LETM2: variants seen among roughly 807,000 people sequenced by gnomAD.
LETM2 encodes the protein leucine zipper and EF-hand containing transmembrane protein 2.
LETM2 carries 58 observed loss-of-function variants against 59.6 expected under a neutral mutation model. The ratio of observed to expected loss-of-function variants is 0.97; its 90% confidence interval spans 0.79 to 1.21. The LOEUF (loss-of-function observed/expected upper bound fraction) is 1.21, where lower values mean the gene tolerates loss of function less well. Among genes scored for constraint, LETM2 ranks in the 50% most tolerant of loss-of-function variants. The probability of loss-of-function intolerance (pLI) is 0.00; values close to 1 mark genes in which losing one functional copy is unlikely to be tolerated. For synonymous variants in LETM2, 199 were observed against 214.1 expected (o/e 0.93, Z 0.62); for missense variants, 572 against 575.7 (o/e 0.99, Z 0.07).
chr8:38,406,046 C>T (rs1308844484), intron 8 of LETM2, among the ~76,000 whole-genome samples: 2 of 152,062 alleles, frequency 1.3e-5, no homozygotes, highest in Non-Finnish European at 2.9e-5. Flanking sequence ...ATGTATGTAG[C>T]CTTATCCCTC....
Position 38,404,495 on chromosome 8 carries a change from C to G in LETM2, c.1207C>G (p.Leu403Val), listed in dbSNP as rs1813546659. The G allele has an allele frequency of 1.2e-6, 2 of 1,612,132 alleles. No individual in the cohort carries two copies. The highest frequency in any genetic ancestry group is 1.3e-5 in the African/African-American group (1 of 74,900). Reference protein sequence around the residue: ...DVKPKPIEIPLSGEAPKTDIL... With the variant: ...DVKPKPIEIPVSGEAPKTDIL... ...GAAGCCCAAGCCGATTGAGATACCA[C>G]TCAGTGGGGAGGTGAGTACCTGGGT... The change falls in exon 8 of 11, where the codon CTC (leucine) becomes GTC (valine). Residue 403 changes from leucine to valine, a missense_variant. Leu to Val is a conservative substitution (Grantham distance 32, BLOSUM62 1). Coordinates refer to ENST00000379957, the MANE Select transcript of LETM2 (RefSeq NM_001286819.2).
chr8:38,397,270 G>A (rs1022835129), intron 4 of LETM2: 44 of 394,026 alleles, frequency 1.1e-4, no homozygotes, highest in East Asian at 1.5e-4. Context: ...TCCGCCTCCC[G>A]GATGCAAGCA....
chr8:38,392,577 C>T lies in LETM2; in HGVS notation c.83C>T (p.Ser28Phe). Residue 28 changes from serine to phenylalanine, a missense_variant, in exon 3 of 11, where the codon TCT (serine) becomes TTT (phenylalanine). Coordinates refer to ENST00000379957, the MANE Select transcript of LETM2 (RefSeq NM_001286819.2). ...CATTTTGTCCATCCTACCTGCTCTT[C>T]TTATTCCCCATCATGTGCATTTCTT... ...PSHFVHPTCS[S>F]YSPSCAFLHL... 1 of 1,612,468 alleles carries T rather than the reference C, an allele frequency of 6.2e-7. No individual in the cohort carries two copies. The highest frequency in any genetic ancestry group is 8.5e-7 in the Non-Finnish European group (1 of 1,179,858).
At position 38,404,563 on chromosome 8, in the gene LETM2, A is replaced by G. The variant is rs1380642093; in HGVS notation, c.1218+57A>G. The stretch of plus-strand genomic sequence containing the variant: ...GTCCATCCAACTGAGGCCTCTCCAC[A>G]AACACTTGGTGTACTCTTGCAGTTA... On this transcript the variant is annotated intron_variant, in intron 8 of 10. Coordinates refer to ENST00000379957, the MANE Select transcript of LETM2 (RefSeq NM_001286819.2). 3.8e-6 allele frequency: 4 copies of G among 1,053,902 alleles called. No individual in the cohort carries two copies. The South Asian group carries it at 5.0e-5, about 13-fold the overall frequency. 65.3% of individuals were successfully genotyped at this position (1,053,902 alleles called of 1,614,324 possible). A position where few individuals can be genotyped will look rare whatever the true frequency, so the allele number is the denominator to read the frequency against.
intron 8 of LETM2, among the ~76,000 whole-genome samples, chr8:38,406,120 T>C (rs1193623645): frequency 6.6e-6 from 1 of 152,200 alleles, no homozygotes; most frequent in Admixed American, 6.5e-5. Context: ...TTCCTAAAGA[T>C]AGGTTAGCTA....
chr8:38,391,883 G>A (rs1045541835), intron 2 of LETM2, among the ~76,000 whole-genome samples: 1 of 151,714 alleles, frequency 6.6e-6, no homozygotes, highest in African/African-American at 2.4e-5. Flanking sequence ...GTAGAGACAG[G>A]GTTTCACCAT....
rs1162500237 is a variant in LETM2, at chr8:38,394,260, A to G, written c.645+19A>G. ...CAAAAAGGTATGATTTTTTAACTTTAATAAAATTTAATAAACCTTATTAGA... is the reference window on the plus strand; with the variant it reads ...CAAAAAGGTATGATTTTTTAACTTTGATAAAATTTAATAAACCTTATTAGA... On this transcript the variant is annotated intron_variant, in intron 4 of 10. Transcript: ENST00000379957. 7.3e-7 allele frequency: 1 copy of G among 1,375,428 alleles called. No homozygotes were observed. The highest frequency in any genetic ancestry group is 9.6e-7 in the Non-Finnish European group (1 of 1,040,806). 85.2% of individuals were successfully genotyped at this position (1,375,428 alleles called of 1,614,324 possible).
chr8:38,386,398 T>G (rs1443641211), upstream of LETM2: 1 of 152,092 alleles, frequency 6.6e-6, no homozygotes, highest in Non-Finnish European at 1.5e-5. Flanking sequence ...ACGCCCGCCC[T>G]CCCCAGAACT....
chr8:38,409,503 A>G lies in LETM2; in HGVS notation c.*1229A>G, dbSNP rs913276214. 4 of 152,238 alleles carry G rather than the reference A, an allele frequency of 2.6e-5. No individual in the cohort carries two copies. Among genetic ancestry groups the G allele is most frequent in the African/African-American group, 9.6e-5 (4 of 41,456 alleles). The allele number at this position is 152,238 out of a possible 1,614,324, so 9.4% of individuals were successfully genotyped here. On this transcript the variant is annotated 3_prime_UTR_variant, in exon 11 of 11. Coordinates refer to ENST00000379957, the MANE Select transcript of LETM2 (RefSeq NM_001286819.2). The stretch of plus-strand genomic sequence containing the variant: ...TGGATCCTGCCTATCGAGGTGATTC[A>G]CAATACACTTTCCCATTTCAAAAAT...
chr8:38,388,174 G>A (rs1276742784), intron 2 of LETM2, 144 bp downstream of exon 2: 16 of 617,998 alleles, frequency 2.6e-5, no homozygotes, highest in South Asian at 3.9e-5. Flanking sequence ...TCTGCCTCCC[G>A]GGTTCAAGCT....
intron 1 of LETM2, among the ~76,000 whole-genome samples, chr8:38,387,440 C>T (rs1400052407): frequency 6.6e-6 from 1 of 152,158 alleles, no homozygotes; most frequent in Non-Finnish European, 1.5e-5. Flanking sequence ...ACAGTTTTAC[C>T]TCCACTTGAG....
upstream of LETM2, chr8:38,383,508 A>T (rs1024250327): frequency 1.3e-5 from 2 of 152,204 alleles, no homozygotes; most frequent in African/African-American, 4.8e-5. Flanking sequence ...TATTACAAGA[A>T]ATTAGATATC....
intron 3 of LETM2, chr8:38,393,643 AAAAC>A (rs377344058): frequency 1.0e-4 from 16 of 153,200 alleles, no homozygotes; most frequent in African/African-American, 2.4e-4. Context: ...CCATCTCAAA[AAAAC>A]AAACAAACAA....
chr8:38,390,671 TTTTTTTG>T (rs144004883), intron 2 of LETM2, among the ~76,000 whole-genome samples: 24,858 of 142,340 alleles, frequency 0.17, 2,591 homozygotes, highest in East Asian at 0.28. Flanking sequence ...TTTATTTTTG[TTTTTTTG>T]TTTTTTGTTT....
chr8:38,401,703 A>G (rs1247045474), intron 6 of LETM2: 1 of 153,636 alleles, frequency 6.5e-6, no homozygotes, highest in Non-Finnish European at 1.4e-5. Context: ...TTCTGCTCTC[A>G]TACCGGGAAG....
chr8:38,391,199 C>CCA (rs1349753622), intron 2 of LETM2, among the ~76,000 whole-genome samples: 10 of 99,272 alleles, frequency 1.0e-4, no homozygotes, highest in East Asian at 2.8e-4. Flanking sequence ...AAAAAAAAAA[C>CCA]AAAAAAAAAA....
At chr8:38,392,270 CA>C (rs1812348741) in intron 2 of LETM2, among the ~76,000 whole-genome samples, 1 of 151,874 alleles carries the variant, frequency 6.6e-6, no homozygotes, top group South Asian at 2.1e-4. Context: ...ACTAAAAATA[CA>C]AAAATTAGCT....
At chr8:38,397,255 C>T in intron 4 of LETM2, 1 of 414,646 alleles carries the variant, frequency 2.4e-6, no homozygotes, top group Non-Finnish European at 4.8e-6. Context: ...TGGCTCACTG[C>T]AACCTCCGCC....
intron 8 of LETM2, chr8:38,406,689 A>C (rs1412124704): frequency 1.1e-5 from 4 of 369,250 alleles, no homozygotes; most frequent in Admixed American, 4.2e-5. Context: ...TGGATTGCTA[A>C]TGATTATTTT....
Sources: gnomAD v4.1 joint callset for allele counts (sites outside exome capture counted in the v4.1 genomes callset) on GRCh38, gnomAD v4.1.1 for gene constraint, MANE v1.5 for transcripts, NCBI Gene and HGNC (gene_info 2026-07-23, HGNC 2026-07-21) for gene names.